Variants in ENAH observed in about 807,000 individuals in gnomAD.
ENAH encodes ENAH actin regulator, also known as protein enabled homolog.
ENAH carries 23 observed loss-of-function variants against 78.7 expected under a neutral mutation model. The ratio of observed to expected loss-of-function variants is 0.29; its 90% confidence interval spans 0.21 to 0.41. The LOEUF (loss-of-function observed/expected upper bound fraction) is 0.41, where lower values mean the gene tolerates loss of function less well. Among genes scored for constraint, ENAH ranks in the 10% least tolerant of loss-of-function variants. The probability of loss-of-function intolerance (pLI) is 1.00; values close to 1 mark genes in which losing one functional copy is unlikely to be tolerated. For missense variants in ENAH, 544 were observed against 691.0 expected, an observed-to-expected ratio of 0.79 and a Z score of 2.39; for synonymous variants, 226 against 241.0, an observed-to-expected ratio of 0.94 and a Z score of 0.58.
At chr1:225,536,337 G>T (rs2096561309) in intron 3 of ENAH, among the ~76,000 whole-genome samples, 1 of 151,780 alleles carries the variant, frequency 6.6e-6, no homozygotes. Flanking sequence ...AAGGGGAAGG[G>T]TTTATATGAA....
At chr1:225,588,801 C>CAAAAAAAA (rs55962047) in intron 1 of ENAH, among the ~76,000 whole-genome samples, 1 of 78,426 alleles carries the variant, frequency 1.3e-5, no homozygotes, top group African/African-American at 5.3e-5. Context: ...AAGTCTGTGT[C>CAAAAAAAA]AAAAAAAAAA....
At position 225,512,893 on chromosome 1, in the gene ENAH, T is replaced by C. The variant is rs1289584173; in HGVS notation, c.1342A>G (p.Met448Val). 1.2e-6 allele frequency: 2 copies of C among 1,613,948 alleles called. No homozygotes were observed. Among genetic ancestry groups the C allele is most frequent in the East Asian group, 2.2e-5 (1 of 44,864 alleles). Residue 448 changes from methionine (M) to valine (V), a missense_variant, in exon 8 of 14, where the codon ATG (methionine) becomes GTG (valine). Met to Val is a conservative substitution (Grantham distance 21). Coordinates refer to ENST00000366843, the MANE Select transcript of ENAH (RefSeq NM_018212.6). ...PLGGSGLMEEMSALLARRRRI... is the reference protein window; with the variant it reads ...PLGGSGLMEEVSALLARRRRI... ...TACCTCCTGGCCAGCAGGGCACTCA[T>C]TTCTTCCATTAAACCACTACCCCCT...
chr1:225,582,194 AG>A (rs1433883438), intron 1 of ENAH, among the ~76,000 whole-genome samples: 3 of 152,140 alleles, frequency 2.0e-5, no homozygotes, highest in East Asian at 3.9e-4. Flanking sequence ...CTCCAGCCAC[AG>A]GAAGTGCCAG....
At chr1:225,633,006 G>T (rs1280435135) in intron 1 of ENAH, among the ~76,000 whole-genome samples, 1 of 151,468 alleles carries the variant, frequency 6.6e-6, no homozygotes, top group Admixed American at 6.6e-5. Flanking sequence ...TATGTGGCAT[G>T]TTAGTTCTGT....
chr1:225,618,914 G>T (rs557540391), intron 1 of ENAH, among the ~76,000 whole-genome samples: 48 of 152,320 alleles, frequency 3.2e-4, no homozygotes, highest in Middle Eastern at 3.4e-3. Flanking sequence ...TGGAGAGAGA[G>T]AAGGCCTACT....
At chr1:225,581,936 G>A (rs903539658) in intron 1 of ENAH, among the ~76,000 whole-genome samples, 1 of 151,454 alleles carries the variant, frequency 6.6e-6, no homozygotes, top group Non-Finnish European at 1.5e-5. Flanking sequence ...CTGAGCTCAA[G>A]CAATCCTCAT....
intron 1 of ENAH, among the ~76,000 whole-genome samples, chr1:225,599,807 A>G (rs1280847368): frequency 6.6e-6 from 1 of 150,930 alleles, no homozygotes; most frequent in Non-Finnish European, 1.5e-5. Context: ...AAAAAAAAAA[A>G]AAAAAAAAAA....
rs1230162447 is a variant in ENAH, at chr1:225,496,708, A to G, written c.*1067T>C. Reference sequence around the variant, plus strand: ...TGGTTTTGTAACATATTTACCAATTAAAGTCACAAAATATTTCTCATTATT... The same window carrying G: ...TGGTTTTGTAACATATTTACCAATTGAAGTCACAAAATATTTCTCATTATT... On this transcript the variant is annotated 3_prime_UTR_variant, in exon 14 of 14. Transcript: ENST00000366843. 6.5e-6 allele frequency: 1 copy of G among 152,680 alleles called. No individual in the cohort carries two copies. The highest frequency in any genetic ancestry group is 1.5e-5 in the Non-Finnish European group (1 of 68,038). 9.5% of individuals were successfully genotyped at this position (152,680 alleles called of 1,614,324 possible).
intron 3 of ENAH, among the ~76,000 whole-genome samples, chr1:225,537,935 C>A (rs1575449624): frequency 6.6e-6 from 1 of 152,276 alleles, no homozygotes; most frequent in East Asian, 1.9e-4. Context: ...TATATAATTA[C>A]TACAGTAGAC....
chr1:225,502,040 A>G (rs1267022934), intron 11 of ENAH, among the ~76,000 whole-genome samples: 1 of 152,184 alleles, frequency 6.6e-6, no homozygotes, highest in African/African-American at 2.4e-5. Flanking sequence ...CAGGCAAATC[A>G]TATATTCCCA....
chr1:225,497,703 G>A lies in ENAH; in HGVS notation c.*72C>T. The A allele has an allele frequency of 2.0e-6, 3 of 1,467,802 alleles. No individual in the cohort carries two copies. The highest frequency in any genetic ancestry group is 2.8e-6 in the Non-Finnish European group (3 of 1,057,688). 90.9% of individuals were successfully genotyped at this position (1,467,802 alleles called of 1,614,324 possible). ...CAGCTCATAAATGTAGGGGTTTGCT[G>A]TTGTGAACAGTTGTTGTTTGTAGGA... On this transcript the variant is annotated 3_prime_UTR_variant, in exon 14 of 14. Transcript: ENST00000366843.
chr1:225,601,144 A>C (rs1307400782), intron 1 of ENAH, among the ~76,000 whole-genome samples: 1 of 152,214 alleles, frequency 6.6e-6, no homozygotes, highest in African/African-American at 2.4e-5. Context: ...AATTACTCTT[A>C]ATCAACTCTG....
At chr1:225,590,869 T>C (rs2096872205) in intron 1 of ENAH, among the ~76,000 whole-genome samples, 1 of 152,228 alleles carries the variant, frequency 6.6e-6, no homozygotes, top group South Asian at 2.1e-4. Context: ...ATCTACTTCC[T>C]GAGCAAGAAT....
chr1:225,546,003 A>G (rs1009629552), intron 3 of ENAH, among the ~76,000 whole-genome samples: 7 of 149,276 alleles, frequency 4.7e-5, no homozygotes, highest in African/African-American at 1.2e-4. Context: ...AGCTCACTGT[A>G]AACTCAAACT....
chr1:225,629,050 C>T (rs942224812), intron 1 of ENAH, among the ~76,000 whole-genome samples: 8 of 151,806 alleles, frequency 5.3e-5, no homozygotes, highest in East Asian at 1.9e-4. Flanking sequence ...GAGGCCGAGG[C>T]GGGCAGATAA....
At chr1:225,552,373 C>T (rs577520852) in intron 3 of ENAH, among the ~76,000 whole-genome samples, 5 of 152,026 alleles carry the variant, frequency 3.3e-5, no homozygotes, top group South Asian at 4.2e-4. Flanking sequence ...CTCCTGACCT[C>T]GTGATCCACC....
chr1:225,636,496 T>C (rs949726547), intron 1 of ENAH, among the ~76,000 whole-genome samples: 2 of 152,182 alleles, frequency 1.3e-5, no homozygotes, highest in African/African-American at 4.8e-5. Context: ...ATGTACAATA[T>C]AAAATTGTTT....
chr1:225,629,235 G>A (rs564611370), intron 1 of ENAH, among the ~76,000 whole-genome samples: 24 of 152,138 alleles, frequency 1.6e-4, no homozygotes, highest in African/African-American at 5.5e-4. Context: ...CCGAGATCAC[G>A]CCACTGCACT....
chr1:225,635,816 A>G (rs959979200), intron 1 of ENAH, among the ~76,000 whole-genome samples: 1 of 152,254 alleles, frequency 6.6e-6, no homozygotes, highest in African/African-American at 2.4e-5. Flanking sequence ...CTGCAGAAGC[A>G]TGAGACTGAA....
Sources: allele counts gnomAD v4.1 joint callset (sites outside exome capture counted in the v4.1 genomes callset), GRCh38; gene constraint gnomAD v4.1.1; transcripts MANE v1.5; gene names NCBI Gene and HGNC (gene_info 2026-07-23, HGNC 2026-07-21).